Variants in AHCYL2 observed in about 807,000 individuals in gnomAD.
The protein encoded by AHCYL2 is adenosylhomocysteinase like 2, also known as S-adenosylhomocysteine hydrolase-like protein 2.
In AHCYL2, 28 loss-of-function variants were observed where a neutral mutation model predicts 81.4. That is an observed-to-expected ratio of 0.34 (90% CI 0.25 to 0.47). The LOEUF is 0.47. AHCYL2 is among the 20% of genes least tolerant of loss of function. The probability of loss-of-function intolerance (pLI) is 1.00; values close to 1 mark genes in which losing one functional copy is unlikely to be tolerated. For missense variants in AHCYL2, 551 were observed against 785.1 expected (o/e 0.70, Z 3.56); for synonymous variants, 272 against 290.2 (o/e 0.94, Z 0.64).
intron 1 of AHCYL2, among the ~76,000 whole-genome samples, chr7:129,234,480 T>A (rs1029161846): frequency 1.3e-5 from 2 of 152,080 alleles, no homozygotes; most frequent in African/African-American, 4.8e-5. Flanking sequence ...CCTGACCTTG[T>A]GATCTGCCCA....
intron 6 of AHCYL2, among the ~76,000 whole-genome samples, chr7:129,401,346 C>A (rs1055223244): frequency 5.2e-4 from 79 of 150,796 alleles, no homozygotes; most frequent in African/African-American, 1.7e-3. Context: ...AGTGCCCCCC[C>A]CCAAAAAAGC....
chr7:129,329,721 T>C (rs1798351106), intron 1 of AHCYL2, among the ~76,000 whole-genome samples: 1 of 152,226 alleles, frequency 6.6e-6, no homozygotes, highest in African/African-American at 2.4e-5. Flanking sequence ...GTAAAATGAA[T>C]AGGATGACAC....
At chr7:129,348,705 G>A (rs192693491) in intron 1 of AHCYL2, among the ~76,000 whole-genome samples, 25 of 152,258 alleles carry the variant, frequency 1.6e-4, no homozygotes, top group Admixed American at 7.2e-4. Flanking sequence ...CTTACTAGCC[G>A]TTGTTTGTCC....
At chr7:129,324,811 G>A (rs772368691) in intron 1 of AHCYL2, among the ~76,000 whole-genome samples, 6 of 152,158 alleles carry the variant, frequency 3.9e-5, no homozygotes, top group East Asian at 3.9e-4. Flanking sequence ...CACTGTGCCC[G>A]GCCTGGCTTA....
chr7:129,430,053 G>A lies in AHCYL2; in HGVS notation c.*3008G>A, dbSNP rs932008434. On this transcript the variant is annotated 3_prime_UTR_variant, in exon 17 of 17. Coordinates refer to ENST00000325006, the MANE Select transcript of AHCYL2 (RefSeq NM_015328.4). The stretch of plus-strand genomic sequence containing the variant: ...TATATATATCTATATATCTATATAC[G>A]TAATCATCTAGTTCTGTCATCTTAC... 8 of 150,870 alleles carry A rather than the reference G, an allele frequency of 5.3e-5. No homozygotes were observed. Among genetic ancestry groups the A allele is most frequent in the South Asian group, 4.2e-4 (2 of 4,808 alleles). 9.3% of individuals were successfully genotyped at this position (150,870 alleles called of 1,614,324 possible).
chr7:129,315,056 G>A (rs1264041520), intron 1 of AHCYL2, among the ~76,000 whole-genome samples: 1 of 151,892 alleles, frequency 6.6e-6, no homozygotes, highest in Non-Finnish European at 1.5e-5. Flanking sequence ...CACATAGTTG[G>A]TGCTCTGTAA....
At chr7:129,235,051 C>G (rs555029160) in intron 1 of AHCYL2, among the ~76,000 whole-genome samples, 2 of 152,232 alleles carry the variant, frequency 1.3e-5, no homozygotes, top group Admixed American at 6.5e-5. Context: ...TTCTGTTTAA[C>G]CAAAACAAAA....
chr7:129,250,691 A>G (rs1795218806), intron 1 of AHCYL2, among the ~76,000 whole-genome samples: 1 of 152,190 alleles, frequency 6.6e-6, no homozygotes, highest in African/African-American at 2.4e-5. Context: ...TTCTCCTAAT[A>G]TATCCTTTAT....
At chr7:129,281,411 A>T (rs751492284) in intron 1 of AHCYL2, among the ~76,000 whole-genome samples, 5 of 149,852 alleles carry the variant, frequency 3.3e-5, no homozygotes, top group Non-Finnish European at 7.4e-5. Flanking sequence ...GTTCTAGAAG[A>T]GTTTTTATAG....
At chr7:129,315,444 A>G (rs997036450) in intron 1 of AHCYL2, among the ~76,000 whole-genome samples, 3 of 151,896 alleles carry the variant, frequency 2.0e-5, no homozygotes, top group Admixed American at 6.6e-5. Context: ...CATGTTCAGC[A>G]CTCTGCCTTT....
chr7:129,407,940 T>G (rs1317082733), intron 10 of AHCYL2, among the ~76,000 whole-genome samples: 2 of 152,190 alleles, frequency 1.3e-5, no homozygotes, highest in Non-Finnish European at 2.9e-5. Context: ...GGAAGTATAT[T>G]CCAGGTACTG....
chr7:129,274,803 G>A (rs1241883402), intron 1 of AHCYL2, among the ~76,000 whole-genome samples: 6 of 152,154 alleles, frequency 3.9e-5, no homozygotes, highest in Non-Finnish European at 1.5e-5. Flanking sequence ...AGTATCAACT[G>A]TCAGCCTTAG....
In AHCYL2 at chr7:129,428,536, GGTTT is replaced by G. The variant is rs1797452407; in HGVS notation, c.*1500_*1503del. ...TTACCGATCCTTTTTAACACTCTCA[GGTTT>G]GTTTGTTTCCCACTTTTTTCCTATG... On this transcript the variant is annotated 3_prime_UTR_variant, in exon 17 of 17. Coordinates refer to ENST00000325006, the MANE Select transcript of AHCYL2 (RefSeq NM_015328.4). 6.6e-6 allele frequency: 1 copy of G among 152,128 alleles called. No homozygotes were observed. The highest frequency in any genetic ancestry group is 2.1e-4 in the South Asian group (1 of 4,818). 9.4% of individuals were successfully genotyped at this position (152,128 alleles called of 1,614,324 possible).
chr7:129,367,352 C>G (rs948586127), intron 1 of AHCYL2, among the ~76,000 whole-genome samples: 5 of 152,152 alleles, frequency 3.3e-5, no homozygotes, highest in Non-Finnish European at 5.9e-5. Context: ...TGCCTGAAAC[C>G]TGTGGTACTC....
chr7:129,382,800 G>T (rs1156949496), intron 2 of AHCYL2, among the ~76,000 whole-genome samples: 3 of 152,074 alleles, frequency 2.0e-5, no homozygotes, highest in Admixed American at 1.3e-4. Flanking sequence ...CAGCTACTCG[G>T]GAGGCTGAGG....
intron 1 of AHCYL2, chr7:129,377,579 A>G (rs1286702206): frequency 2.2e-6 from 1 of 456,692 alleles, no homozygotes; most frequent in East Asian, 6.9e-5. Flanking sequence ...ATTCTGGTGT[A>G]CTGTATGTTC....
intron 1 of AHCYL2, chr7:129,376,023 T>C (rs764461836): frequency 3.7e-5 from 53 of 1,449,218 alleles, no homozygotes; most frequent in Middle Eastern, 3.5e-4. Context: ...TTTCCTGCTT[T>C]CATCCCTCCC....
At chr7:129,284,381 T>A (rs1796552981) in intron 1 of AHCYL2, among the ~76,000 whole-genome samples, 1 of 151,922 alleles carries the variant, frequency 6.6e-6, no homozygotes, top group Non-Finnish European at 1.5e-5. Context: ...GCGGATCACC[T>A]AAGGTCAGGA....
intron 1 of AHCYL2, among the ~76,000 whole-genome samples, chr7:129,285,325 C>G (rs1796591104): frequency 2.6e-5 from 4 of 152,174 alleles, no homozygotes; most frequent in African/African-American, 7.2e-5. Flanking sequence ...CTGAATTAAA[C>G]TTCAAGTTTT....
Sources: allele counts gnomAD v4.1 joint callset (sites outside exome capture counted in the v4.1 genomes callset), GRCh38; gene constraint gnomAD v4.1.1; transcripts MANE v1.5; gene names NCBI Gene and HGNC (gene_info 2026-07-23, HGNC 2026-07-21).